Variants in RCOR1 observed in about 807,000 individuals in gnomAD.
RCOR1 encodes the protein REST corepressor.
RCOR1 carries 12 observed loss-of-function variants against 64.0 expected under a neutral mutation model. The observed-to-expected ratio is 0.19, with a 90% confidence interval of 0.12 to 0.30. The LOEUF is 0.30. Ranked by LOEUF, RCOR1 falls within the 10% of genes least tolerant of loss-of-function variation. RCOR1 has a pLI of 1.00. For missense variants in RCOR1, 502 were observed against 621.2 expected (o/e 0.81, Z 2.04); for synonymous variants, 279 against 227.2 (o/e 1.23, Z -2.05).
At chr14:102,715,902 T>G (rs1896060744) in intron 8 of RCOR1, among the ~76,000 whole-genome samples, 1 of 152,162 alleles carries the variant, frequency 6.6e-6, no homozygotes, top group Non-Finnish European at 1.5e-5. Flanking sequence ...CTGTGCACTG[T>G]AAGATGTTGA....
chr14:102,720,503 A>G lies in RCOR1; in HGVS notation c.1054-504A>G, dbSNP rs189717080. ...ATTGTGTTTTCCTCGCCCCCCCATCATTAAAGAAATCTATGCTTGTGCACT... is the reference window on the plus strand; with the variant it reads ...ATTGTGTTTTCCTCGCCCCCCCATCGTTAAAGAAATCTATGCTTGTGCACT... On this transcript the variant is annotated intron_variant, in intron 8 of 11. Coordinates refer to ENST00000262241, the MANE Select transcript of RCOR1 (RefSeq NM_015156.4). Among the ~76,000 whole-genome samples the G allele has an allele frequency of 4.2e-4, 64 of 152,328 alleles. 1 individual carries two copies. Among genetic ancestry groups the G allele is most frequent in the African/African-American group, 1.4e-3 (60 of 41,578 alleles).
intron 2 of RCOR1, among the ~76,000 whole-genome samples, chr14:102,652,205 A>G (rs1894607630): frequency 6.6e-6 from 1 of 152,208 alleles, no homozygotes; most frequent in Non-Finnish European, 1.5e-5. Context: ...CTCTTTGAAG[A>G]AGGAACTGTT....
chr14:102,609,153 C>G (rs1315198462), intron 2 of RCOR1, among the ~76,000 whole-genome samples: 1 of 149,628 alleles, frequency 6.7e-6, no homozygotes, highest in Non-Finnish European at 1.5e-5. Context: ...TCAAGCAATT[C>G]TCCTGCCTCA....
intron 2 of RCOR1, among the ~76,000 whole-genome samples, chr14:102,635,881 G>A (rs931685372): frequency 6.6e-6 from 1 of 152,072 alleles, no homozygotes; most frequent in African/African-American, 2.4e-5. Flanking sequence ...AATTGCAGTG[G>A]GCTATGATTG....
chr14:102,657,384 T>C, intron 2 of RCOR1: 1 of 985,400 alleles, frequency 1.0e-6, no homozygotes, highest in African/African-American at 1.7e-5. Context: ...ATTTACTTCT[T>C]CTTGGAGCTA....
At position 102,720,866 on chromosome 14, in the gene RCOR1, T is replaced by C. The variant is rs533544666; in HGVS notation, c.1054-141T>C. 4.0e-5 allele frequency: 22 copies of C among 556,002 alleles called. No homozygotes were observed. In the South Asian group the frequency reaches 5.5e-4, roughly 14 times the overall value. 34.4% of individuals were successfully genotyped at this position (556,002 alleles called of 1,614,324 possible). On this transcript the variant is annotated intron_variant, in intron 8 of 11. Transcript: ENST00000262241. ...TAGTTAGATGCTTCAAAGGATACCA[T>C]AGGGATCTCAGAATTCAGCTACAAC...
chr14:102,715,142 C>T (rs1423309480), intron 8 of RCOR1, among the ~76,000 whole-genome samples: 2 of 151,660 alleles, frequency 1.3e-5, no homozygotes, highest in African/African-American at 2.4e-5. Context: ...GATCCCGGCT[C>T]ACTGCAAGCT....
At chr14:102,630,482 A>G (rs1567414296) in intron 2 of RCOR1, among the ~76,000 whole-genome samples, 1 of 152,206 alleles carries the variant, frequency 6.6e-6, no homozygotes, top group Non-Finnish European at 1.5e-5. Context: ...TTATAGATTC[A>G]AAGTATCTGC....
At chr14:102,593,214 C>T (rs769509132) in intron 1 of RCOR1, 27 bp downstream of exon 1, 12 of 1,476,718 alleles carry the variant, frequency 8.1e-6, no homozygotes, top group Non-Finnish European at 9.8e-6. Flanking sequence ...CCCGCGGCCC[C>T]GGGCCCCGCG....
At chr14:102,629,901 C>G in intron 2 of RCOR1, 1 of 555,522 alleles carries the variant, frequency 1.8e-6, no homozygotes, top group Non-Finnish European at 2.3e-6. Context: ...CTTGAGGCCT[C>G]AAGTGGTAAG....
chr14:102,695,715 T>A (rs1279869221), intron 3 of RCOR1, among the ~76,000 whole-genome samples: 1 of 151,040 alleles, frequency 6.6e-6, no homozygotes, highest in Non-Finnish European at 1.5e-5. Context: ...CCTGCTATTT[T>A]TTTTTTTTTT....
At chr14:102,608,193 G>T (rs1479359333) in intron 2 of RCOR1, among the ~76,000 whole-genome samples, 1 of 152,176 alleles carries the variant, frequency 6.6e-6, no homozygotes, top group East Asian at 1.9e-4. Context: ...TCTCACATGT[G>T]TTAGAATGAA....
intron 4 of RCOR1, 65 bp downstream of exon 4, chr14:102,701,395 T>A (rs1895756593): frequency 1.6e-6 from 2 of 1,274,142 alleles, no homozygotes; most frequent in African/African-American, 1.6e-5. Context: ...ATAATTATAT[T>A]TTTTTCTTCT....
intron 6 of RCOR1, 171 bp from the exon 7 acceptor site, chr14:102,710,764 A>G: frequency 1.7e-6 from 1 of 593,746 alleles, no homozygotes. Context: ...TGTTTGAATT[A>G]CAAAGATGTT....
chr14:102,654,350 T>C (rs1244133562), intron 2 of RCOR1, among the ~76,000 whole-genome samples: 2 of 152,048 alleles, frequency 1.3e-5, no homozygotes, highest in African/African-American at 4.8e-5. Flanking sequence ...AAATACAGTT[T>C]CCATTTTGAG....
At chr14:102,625,466 C>G (rs1222775902) in intron 2 of RCOR1, among the ~76,000 whole-genome samples, 1 of 151,322 alleles carries the variant, frequency 6.6e-6, no homozygotes, top group East Asian at 1.9e-4. Context: ...AACTCCTGAC[C>G]TCAGGTAATC....
Position 102,721,374 on chromosome 14 carries a change from C to A in RCOR1, c.1186C>A (p.Gln396Lys), listed in dbSNP as rs1347411871. 1.9e-6 allele frequency: 3 copies of A among 1,612,602 alleles called. No homozygotes were observed. The highest frequency in any genetic ancestry group is 2.7e-5 in the African/African-American group (2 of 74,856). Reference protein sequence around the residue: ...WTTEEQLLAVQAIRKYGRDFQ... With the variant: ...WTTEEQLLAVKAIRKYGRDFQ... The stretch of plus-strand genomic sequence containing the variant: ...TACAGAAGAGCAGCTTCTCGCCGTA[C>A]AAGGTAGGGGGAAGTTCTTCTAAAG... The change falls in exon 10 of 12, where the codon CAA becomes AAA. Residue 396 changes from glutamine to lysine, a missense_variant. Transcript: ENST00000262241.
At chr14:102,649,402 C>T (rs1487965306) in intron 2 of RCOR1, among the ~76,000 whole-genome samples, 1 of 152,134 alleles carries the variant, frequency 6.6e-6, no homozygotes, top group Non-Finnish European at 1.5e-5. Context: ...TTTTGGGTAC[C>T]AGCCCCTTTT....
chr14:102,597,784 C>T (rs950474605), intron 2 of RCOR1, among the ~76,000 whole-genome samples: 1 of 151,704 alleles, frequency 6.6e-6, no homozygotes, highest in Non-Finnish European at 1.5e-5. Flanking sequence ...CAGGCGTGTG[C>T]CACTATGTCT....
Sources: allele counts gnomAD v4.1 joint callset (sites outside exome capture counted in the v4.1 genomes callset), GRCh38; gene constraint gnomAD v4.1.1; transcripts MANE v1.5; gene names NCBI Gene and HGNC (gene_info 2026-07-23, HGNC 2026-07-21).